Variants in WDFY4 observed in about 807,000 individuals in gnomAD.
The protein encoded by WDFY4 is WDFY family member 4.
WDFY4 carries 169 observed loss-of-function variants against 351.9 expected under a neutral mutation model. That is an observed-to-expected ratio of 0.48 (90% CI 0.42 to 0.55). The LOEUF is 0.55. Among genes scored for constraint, WDFY4 ranks in the 20% least tolerant of loss-of-function variants. The pLI, the probability that WDFY4 is intolerant of heterozygous loss-of-function variation, is 0.00. For missense variants in WDFY4, 3,803 were observed against 3,935.6 expected (o/e 0.97, Z 0.90); for synonymous variants, 1,622 against 1,574.6 (o/e 1.03, Z -0.71).
chr10:48,689,987 T>C (rs999336101), intron 1 of WDFY4, among the ~76,000 whole-genome samples: 2 of 152,246 alleles, frequency 1.3e-5, no homozygotes, highest in Admixed American at 6.5e-5. Flanking sequence ...TTTTAAAGCC[T>C]GTGCACTTGC....
At position 48,964,071 on chromosome 10, in the gene WDFY4, C is replaced by T; in HGVS notation, c.8436+17C>T. The stretch of plus-strand genomic sequence containing the variant: ...CCCAAACAGGTACAGCATGCCTTGT[C>T]ATTTGCCTTGCTTTCTCAAAAGAGT... On this transcript the variant is annotated intron_variant, in intron 54 of 61. Transcript: ENST00000325239. The T allele has an allele frequency of 6.5e-7, 1 of 1,549,062 alleles. No individual in the cohort carries two copies. The highest frequency in any genetic ancestry group is 8.7e-7 in the Non-Finnish European group (1 of 1,146,398).
At chr10:48,749,130 C>A (rs1189505856) in intron 12 of WDFY4, among the ~76,000 whole-genome samples, 1 of 152,178 alleles carries the variant, frequency 6.6e-6, no homozygotes, top group Non-Finnish European at 1.5e-5. Flanking sequence ...CAGCTTTTTA[C>A]AATGGACTAT....
chr10:48,797,146 C>T (rs2066903421), intron 24 of WDFY4, among the ~76,000 whole-genome samples: 1 of 152,216 alleles, frequency 6.6e-6, no homozygotes, highest in African/African-American at 2.4e-5. Context: ...GGAAAATAAC[C>T]TTCCAGGTGG....
At chr10:48,896,869 G>C (rs1487084583) in intron 44 of WDFY4, among the ~76,000 whole-genome samples, 2 of 152,174 alleles carry the variant, frequency 1.3e-5, no homozygotes, top group East Asian at 3.9e-4. Flanking sequence ...GCCAGGGAAA[G>C]AGGTCATTCA....
intron 1 of WDFY4, among the ~76,000 whole-genome samples, chr10:48,701,238 G>T (rs915927406): frequency 6.6e-6 from 1 of 152,178 alleles, no homozygotes; most frequent in Non-Finnish European, 1.5e-5. Flanking sequence ...GTTCATCCAT[G>T]TCGTAGCATG....
intron 23 of WDFY4, among the ~76,000 whole-genome samples, chr10:48,792,326 C>T (rs562900496): frequency 6.6e-6 from 1 of 152,340 alleles, no homozygotes; most frequent in East Asian, 1.9e-4. Flanking sequence ...TGGGCACATC[C>T]CGTTTTAATT....
chr10:48,733,214 A>G (rs2064528839), intron 9 of WDFY4, among the ~76,000 whole-genome samples: 1 of 152,188 alleles, frequency 6.6e-6, no homozygotes, highest in African/African-American at 2.4e-5. Flanking sequence ...GAGCTCATGC[A>G]TCTAGTCTTA....
intron 2 of WDFY4, among the ~76,000 whole-genome samples, chr10:48,719,518 C>T (rs1474595525): frequency 6.6e-6 from 1 of 152,220 alleles, no homozygotes; most frequent in Non-Finnish European, 1.5e-5. Flanking sequence ...AATAAAAGCA[C>T]ACTCTTTCAC....
chr10:48,854,861 G>C (rs928883406), intron 39 of WDFY4, among the ~76,000 whole-genome samples: 2 of 152,114 alleles, frequency 1.3e-5, no homozygotes, highest in Non-Finnish European at 2.9e-5. Flanking sequence ...TTGCATCCAA[G>C]GTCCCCTAAG....
intron 40 of WDFY4, among the ~76,000 whole-genome samples, chr10:48,868,947 A>G (rs913733510): frequency 6.6e-6 from 1 of 152,168 alleles, no homozygotes; most frequent in Non-Finnish European, 1.5e-5. Context: ...AGCCTGTCTC[A>G]TCTTCAGCAG....
intron 27 of WDFY4, among the ~76,000 whole-genome samples, chr10:48,807,303 T>C (rs1306038325): frequency 6.6e-6 from 1 of 152,248 alleles, no homozygotes; most frequent in Non-Finnish European, 1.5e-5. Flanking sequence ...CTAACCAACA[T>C]ATTAAAGCAT....
At chr10:48,886,211 G>A (rs1255164046) in intron 43 of WDFY4, among the ~76,000 whole-genome samples, 1 of 152,198 alleles carries the variant, frequency 6.6e-6, no homozygotes, top group African/African-American at 2.4e-5. Context: ...GTTGCAGACT[G>A]CTAATGCTAG....
intron 24 of WDFY4, among the ~76,000 whole-genome samples, chr10:48,800,720 T>TTCTTTCTTTCTC (rs2067051358): frequency 8.0e-6 from 1 of 124,760 alleles, no homozygotes; most frequent in African/African-American, 3.4e-5. Flanking sequence ...CTTTCTTTCT[T>TTCTTTCTTTCTC]TCATTCTTTC....
intron 51 of WDFY4, among the ~76,000 whole-genome samples, chr10:48,951,382 C>A (rs576655313): frequency 3.3e-5 from 5 of 152,126 alleles, no homozygotes; most frequent in African/African-American, 9.7e-5. Flanking sequence ...GGGCTTATCT[C>A]CCCCAGCAGC....
rs565659517 is a variant in WDFY4 at position 48,926,143 on chromosome 10, G to T, written c.7587-15663G>T. ...GCCTCATCCTGGGGATACATTGCTG[G>T]CCCCCACTGCCTCCCGGGAGAGGAA... On this transcript the variant is annotated intron_variant, in intron 47 of 61. Transcript: ENST00000325239. Among the ~76,000 whole-genome samples the T allele has an allele frequency of 2.0e-5, 3 of 152,270 alleles. No homozygotes were observed. In the South Asian group the frequency reaches 6.2e-4, roughly 32 times the overall value.
intron 39 of WDFY4, among the ~76,000 whole-genome samples, chr10:48,838,742 C>A (rs2068493976): frequency 6.6e-6 from 1 of 152,204 alleles, no homozygotes; most frequent in South Asian, 2.1e-4. Context: ...AAGCAACATC[C>A]CAGACATCGT....
At chr10:48,910,063 C>A in intron 47 of WDFY4, 1 of 628,176 alleles carries the variant, frequency 1.6e-6, no homozygotes, top group South Asian at 2.0e-5. Context: ...TGGGCTAAAG[C>A]TAAGGGAGGT....
chr10:48,766,741 A>G (rs554983069), intron 13 of WDFY4, among the ~76,000 whole-genome samples: 5 of 152,262 alleles, frequency 3.3e-5, no homozygotes, highest in African/African-American at 1.2e-4. Flanking sequence ...TTATCAGCTG[A>G]CCTTGGTAAT....
chr10:48,817,777 TC>T (rs1565232697), intron 32 of WDFY4, among the ~76,000 whole-genome samples: 1 of 152,132 alleles, frequency 6.6e-6, no homozygotes, highest in Non-Finnish European at 1.5e-5. Context: ...TGGGAGTGCA[TC>T]CTGCAAAAAC....
Sources: gnomAD v4.1 joint callset for allele counts (sites outside exome capture counted in the v4.1 genomes callset) on GRCh38, gnomAD v4.1.1 for gene constraint, MANE v1.5 for transcripts, NCBI Gene and HGNC (gene_info 2026-07-23, HGNC 2026-07-21) for gene names.